The following NAV1 variants were observed in gnomAD, a reference collection of about 807,000 sequenced individuals.
The protein encoded by NAV1 is neuron navigator 1, also known as pore membrane and/or filament interacting like protein 3.
Under a neutral mutation model 175.2 loss-of-function variants are expected in NAV1, and 18 were observed. That is an observed-to-expected ratio of 0.10 (90% confidence interval 0.07 to 0.15). The LOEUF is 0.15. NAV1 is among the 10% of genes least tolerant of loss of function. The pLI, the probability that NAV1 is intolerant of heterozygous loss-of-function variation, is 1.00. For missense variants in NAV1, 1,731 were observed against 2,436.6 expected (o/e 0.71, Z 6.10); for synonymous variants, 897 against 978.7 (o/e 0.92, Z 1.56).
intron 2 of NAV1, among the ~76,000 whole-genome samples, chr1:201,640,516 A>C (rs183369676): frequency 2.0e-5 from 3 of 152,208 alleles, no homozygotes; most frequent in African/African-American, 7.2e-5. Context: ...TGTCTCCCAG[A>C]AGTGTGGTGA....
At chr1:201,790,810 C>CTAT in intron 13 of NAV1, 44 bp downstream of exon 17, 1 of 1,603,472 alleles carries the variant, frequency 6.2e-7, no homozygotes. Flanking sequence ...GTTATTTTGA[C>CTAT]TATCGTTAGA....
At chr1:201,689,498 C>T (rs1355801264) in intron 1 of NAV1, among the ~76,000 whole-genome samples, 2 of 152,162 alleles carry the variant, frequency 1.3e-5, no homozygotes, top group Admixed American at 1.3e-4. Context: ...TGAGGCCCCT[C>T]CAGAGACTCC....
intron 2 of NAV1, among the ~76,000 whole-genome samples, chr1:201,638,309 G>A (rs750958514): frequency 3.3e-5 from 5 of 152,172 alleles, no homozygotes; most frequent in African/African-American, 7.2e-5. Context: ...GCTATGAAGC[G>A]ACTGGTGTTG....
At chr1:201,721,907 C>T (rs1397041477) in intron 3 of NAV1, among the ~76,000 whole-genome samples, 3 of 152,200 alleles carry the variant, frequency 2.0e-5, no homozygotes, top group African/African-American at 7.2e-5. Flanking sequence ...CCTGTTCAGT[C>T]TCAAGTCAGC....
intron 1 of NAV1, among the ~76,000 whole-genome samples, chr1:201,547,597 A>G (rs1285905097): frequency 6.6e-6 from 1 of 152,208 alleles, no homozygotes; most frequent in African/African-American, 2.4e-5. Context: ...CGAGATAGGT[A>G]CTAGTATTCT....
chr1:201,694,601 A>G lies in NAV1; in HGVS notation c.758-18216A>G, dbSNP rs1374153887. On this transcript the variant is annotated intron_variant, in intron 1 of 29. Transcript: ENST00000367296. This position sits in a 1 kb window ranked among gnomAD's most constrained non-coding sequence, Gnocchi z 4.2. ...AGCTGGCCCCAGTGGGTGATCAGCA[A>G]CATGTCCCTAAGAATAGGTACATGC... 6.6e-6 allele frequency among the ~76,000 whole-genome samples: 1 copy of G among 152,172 alleles called. No individual in the cohort carries two copies. The highest frequency in any genetic ancestry group is 1.5e-5 in the Non-Finnish European group (1 of 68,030).
At chr1:201,558,640 C>T (rs543507475) in intron 1 of NAV1, among the ~76,000 whole-genome samples, 9 of 152,154 alleles carry the variant, frequency 5.9e-5, no homozygotes, top group African/African-American at 1.2e-4. Context: ...TTGGTAGAGA[C>T]GGGGTCTCAC....
chr1:201,637,078 T>A (rs570374339), intron 2 of NAV1, among the ~76,000 whole-genome samples: 1 of 152,142 alleles, frequency 6.6e-6, no homozygotes, highest in Non-Finnish European at 1.5e-5. Flanking sequence ...GAAATATGAG[T>A]CCATGGCATT....
intron 2 of NAV1, among the ~76,000 whole-genome samples, chr1:201,636,768 C>T (rs919850297): frequency 6.6e-6 from 1 of 152,140 alleles, no homozygotes; most frequent in Non-Finnish European, 1.5e-5. Context: ...AAAGCTCAGC[C>T]CCAGTGGAAG....
At chr1:201,733,504 A>G (rs1038739556) in intron 3 of NAV1, 3 of 152,156 alleles carry the variant, frequency 2.0e-5, no homozygotes, top group African/African-American at 7.2e-5. Context: ...TTCTATATTT[A>G]AAATATATAT....
At chr1:201,721,378 C>A (rs977023898) in intron 3 of NAV1, among the ~76,000 whole-genome samples, 4 of 152,186 alleles carry the variant, frequency 2.6e-5, no homozygotes, top group African/African-American at 9.6e-5. Flanking sequence ...AACTTATAAT[C>A]CCCAGTAATT....
At chr1:201,623,433 T>C in exon 1 of NAV1, 2 of 985,948 alleles carry the variant, frequency 2.0e-6, no homozygotes, top group Non-Finnish European at 2.4e-6. Context: ...ACAAAAGTTC[T>C]GGGACCCCCA....
chr1:201,588,816 A>G (rs940383280), intron 2 of NAV1, among the ~76,000 whole-genome samples, 167 bp downstream of exon 2: 7 of 152,142 alleles, frequency 4.6e-5, no homozygotes, highest in Non-Finnish European at 1.0e-4. Context: ...AGTATACTAA[A>G]AACAAATCAA....
intron 2 of NAV1, among the ~76,000 whole-genome samples, chr1:201,614,575 A>G (rs1326732950): frequency 1.3e-5 from 2 of 152,194 alleles, no homozygotes; most frequent in Non-Finnish European, 2.9e-5. Flanking sequence ...GTCAGAATGA[A>G]ATATTTATAG....
chr1:201,721,862 G>C (rs1361282528), intron 3 of NAV1, among the ~76,000 whole-genome samples: 1 of 152,146 alleles, frequency 6.6e-6, no homozygotes, highest in Non-Finnish European at 1.5e-5. Context: ...GTTTATCTGC[G>C]GGGGGATCAT....
intron 2 of NAV1, among the ~76,000 whole-genome samples, chr1:201,642,524 T>TA (rs879837511): frequency 9.2e-6 from 1 of 108,826 alleles, no homozygotes; most frequent in Non-Finnish European, 1.8e-5. Flanking sequence ...TTTCTTTCTT[T>TA]TTTTCTTTCT....
chr1:201,812,267 G>A lies in NAV1; in HGVS notation c.5025-198G>A, dbSNP rs1283652358. Among the ~76,000 whole-genome samples the A allele has an allele frequency of 6.6e-6, 1 of 152,212 alleles. No individual in the cohort carries two copies. Among genetic ancestry groups the A allele is most frequent in the East Asian group, 1.9e-4 (1 of 5,198 alleles). On this transcript the variant is annotated intron_variant, in intron 26 of 29. Transcript: ENST00000367296. The surrounding 1 kb of genome is among the most constrained non-coding windows in gnomAD (Gnocchi z 4.6). ...CAGTGATGTCAGAAGGTTATCCGAA[G>A]AGGGCTACCAATTTGAGAATCAGCT... is the stretch of plus-strand genomic sequence containing the variant.
chr1:201,756,824 CTTTCTTTCTT>C (rs1342941319), intron 3 of NAV1, among the ~76,000 whole-genome samples: 5 of 40,104 alleles, frequency 1.2e-4, no homozygotes, highest in African/African-American at 2.5e-4. Flanking sequence ...TTCTTTCTTT[CTTTCTTTCTT>C]TCTTTCTTTC....
At chr1:201,668,662 G>T (rs1404854756) in intron 1 of NAV1, among the ~76,000 whole-genome samples, 1 of 152,146 alleles carries the variant, frequency 6.6e-6, no homozygotes, top group Non-Finnish European at 1.5e-5. Context: ...GAAGGTTGGA[G>T]CATGGAAGGG....
Sources: allele counts gnomAD v4.1 joint callset (sites outside exome capture counted in the v4.1 genomes callset), GRCh38; gene constraint gnomAD v4.1.1; non-coding constraint Gnocchi (gnomAD v3.1); transcripts MANE v1.5; gene names NCBI Gene and HGNC (gene_info 2026-07-23, HGNC 2026-07-21).